HIVEP1: variants seen among roughly 807,000 people sequenced by gnomAD.
HIVEP1 encodes HIVEP zinc finger 1.
A neutral mutation model predicts 180.0 loss-of-function variants in HIVEP1; 36 were observed. That is an observed-to-expected ratio of 0.20 (90% CI 0.15 to 0.26). The LOEUF (loss-of-function observed/expected upper bound fraction) is 0.26, where lower values mean the gene tolerates loss of function less well. HIVEP1 is among the 10% of genes least tolerant of loss of function. The pLI is 1.00. For missense variants in HIVEP1, 3,143 were observed against 3,268.7 expected, an observed-to-expected ratio of 0.96 and a Z score of 0.94; for synonymous variants, 1,239 against 1,239.0, an observed-to-expected ratio of 1.00 and a Z score of 0.00.
intron 2 of HIVEP1, among the ~76,000 whole-genome samples, chr6:12,076,598 A>C (rs1453512367): frequency 6.6e-6 from 1 of 152,176 alleles, no homozygotes; most frequent in Non-Finnish European, 1.5e-5. Context: ...CTGTGTCCTC[A>C]CATGGCTGAA....
intron 2 of HIVEP1, among the ~76,000 whole-genome samples, chr6:12,072,225 C>T (rs1354877712): frequency 3.3e-5 from 5 of 152,184 alleles, no homozygotes; most frequent in Non-Finnish European, 7.3e-5. Context: ...CAGCCTGAAT[C>T]AGCCCCTTTT....
Position 12,124,269 on chromosome 6 carries a change from C to A in HIVEP1, c.4474C>A (p.Gln1492Lys). 1 of 1,614,104 alleles carries A rather than the reference C, an allele frequency of 6.2e-7. No individual in the cohort carries two copies. Among genetic ancestry groups the A allele is most frequent in the East Asian group, 2.2e-5 (1 of 44,894 alleles). The part of the protein sequence containing the change: ...LHSQTQVKDL[Q>K]AETSNSSSTN... ...CTCTCAGACTCAGGTTAAGGATCTGCAGGCAGAAACATCAAACTCCAGCTC... is the reference window on the plus strand; with the variant it reads ...CTCTCAGACTCAGGTTAAGGATCTGAAGGCAGAAACATCAAACTCCAGCTC... The change falls in exon 4 of 9, where the codon CAG (glutamine) becomes AAG (lysine). Residue 1492 changes from glutamine (Q) to lysine (K), a missense_variant. Transcript: ENST00000379388.
At chr6:12,172,948 T>G in the HIVEP1 span, among the ~76,000 whole-genome samples, 1 of 152,166 alleles carries the variant, frequency 6.6e-6, no homozygotes, top group Non-Finnish European at 1.5e-5. Context: ...GCCATGCATA[T>G]TTGTATAAAT....
At chr6:12,167,197 C>T (rs1463535336), downstream of HIVEP1, among the ~76,000 whole-genome samples, 1 of 151,802 alleles carries the variant, frequency 6.6e-6, no homozygotes, top group Non-Finnish European at 1.5e-5. Flanking sequence ...TAATCCCTGG[C>T]CTGAATTTTA....
intron 2 of HIVEP1, among the ~76,000 whole-genome samples, chr6:12,031,875 GTCC>G (rs776910944): frequency 3.4e-4 from 51 of 152,204 alleles, no homozygotes; most frequent in Non-Finnish European, 5.4e-4. Flanking sequence ...GTACCATTCT[GTCC>G]TCCTGTGGAC....
At chr6:12,130,737 C>T (rs765662388) in intron 5 of HIVEP1, 30 bp from the exon 6 acceptor site, 3 of 1,314,686 alleles carry the variant, frequency 2.3e-6, no homozygotes, top group Non-Finnish European at 3.2e-6. Flanking sequence ...AGTGTCCAAT[C>T]TCCCTATTCA....
At position 12,110,893 on chromosome 6, in the gene HIVEP1, A is replaced by G. The variant is rs1774845337; in HGVS notation, c.95-8997A>G. Among the ~76,000 whole-genome samples, 3 of 152,234 alleles carry G rather than the reference A, an allele frequency of 2.0e-5. No individual in the cohort carries two copies. In the South Asian group the frequency reaches 6.2e-4, roughly 31 times the overall value. On this transcript the variant is annotated intron_variant, in intron 3 of 8. Transcript: ENST00000379388. ...CATTTCTAGCTTTTGGCTTAAAGCT[A>G]GAGACATGCAACTCTTCCTTTCACT... is the stretch of plus-strand genomic sequence containing the variant.
rs1363513573 is a variant in HIVEP1 at position 12,163,898 on chromosome 6, C to G, written c.7594C>G (p.Gln2532Glu). The stretch of plus-strand genomic sequence containing the variant: ...GGTTCTGACTGCAAACCCTTCATCA[C>G]AAAGCAGCCCCGCCCCTCAGGCACA... ...LQVLTANPSS[Q>E]SSPAPQAHIP... Residue 2532 changes from glutamine (Q) to glutamate (E), a missense_variant, in exon 9 of 9, where the codon CAA (glutamine) becomes GAA (glutamate). This residue lies in a region of HIVEP1 where 595 missense variants were observed against 602.2 expected (regional missense o/e 0.99). Transcript: ENST00000379388. The G allele has an allele frequency of 1.9e-6, 3 of 1,614,162 alleles. No individual in the cohort carries two copies. Among genetic ancestry groups the G allele is most frequent in the Non-Finnish European group, 2.5e-6 (3 of 1,180,016 alleles).
intron 3 of HIVEP1, among the ~76,000 whole-genome samples, chr6:12,117,546 C>T (rs1210076034): frequency 6.6e-6 from 1 of 152,130 alleles, no homozygotes; most frequent in Non-Finnish European, 1.5e-5. Context: ...TTGTTTAAAT[C>T]ACATACAGTA....
At chr6:12,201,681 G>A in the HIVEP1 span, among the ~76,000 whole-genome samples, 163 of 152,114 alleles carry the variant, frequency 1.1e-3, no homozygotes, top group African/African-American at 3.6e-3. Context: ...TCCTAATTCT[G>A]TTCTATGGAT....
intron 2 of HIVEP1, among the ~76,000 whole-genome samples, chr6:12,055,285 C>G (rs531550846): frequency 6.6e-6 from 1 of 152,056 alleles, no homozygotes; most frequent in Non-Finnish European, 1.5e-5. Flanking sequence ...CCATCCTGGC[C>G]AACACGGTGA....
chr6:12,026,206 A>G (rs1187570353), intron 2 of HIVEP1, among the ~76,000 whole-genome samples: 2 of 152,266 alleles, frequency 1.3e-5, no homozygotes, highest in African/African-American at 4.8e-5. Flanking sequence ...AAAAGATCTA[A>G]GAGCAACATA....
intron 2 of HIVEP1, among the ~76,000 whole-genome samples, chr6:12,041,937 G>A (rs899089099): frequency 4.1e-4 from 62 of 151,880 alleles, no homozygotes; most frequent in African/African-American, 1.4e-3. Flanking sequence ...GGGGTTATAG[G>A]TGTGAGTCAC....
chr6:12,066,435 T>C (rs1247668058), intron 2 of HIVEP1, among the ~76,000 whole-genome samples: 1 of 152,226 alleles, frequency 6.6e-6, no homozygotes, highest in Non-Finnish European at 1.5e-5. Context: ...TGCAGTTAGC[T>C]TCTTAGGCAA....
the HIVEP1 span, among the ~76,000 whole-genome samples, chr6:12,197,472 T>A: frequency 6.8e-6 from 1 of 146,526 alleles, no homozygotes. Flanking sequence ...GACAGGAGAA[T>A]CACTTGAACC....
At chr6:12,097,600 A>T (rs547779711) in intron 3 of HIVEP1, among the ~76,000 whole-genome samples, 3 of 152,264 alleles carry the variant, frequency 2.0e-5, no homozygotes, top group Admixed American at 1.3e-4. Context: ...TGTAATAGAC[A>T]GTGAATGCTG....
chr6:12,163,146 T>C, intron 8 of HIVEP1, 137 bp from the exon 9 acceptor site: 1 of 724,222 alleles, frequency 1.4e-6, no homozygotes, highest in South Asian at 1.9e-5. Context: ...ATAATTTCAT[T>C]GCAGCAAACA....
chr6:12,123,844 G>C lies in HIVEP1; in HGVS notation c.4049G>C (p.Gly1350Ala). Residue 1350 changes from glycine to alanine, a missense_variant, in exon 4 of 9, where the codon GGC becomes GCC. Physicochemically the swap from Gly to Ala is moderately conservative, Grantham distance 60. Around this residue, in one of 12 missense-constraint regions of HIVEP1, gnomAD observed 1,357 missense variants for 1,260.5 expected, o/e 1.08. Coordinates refer to ENST00000379388, the MANE Select transcript of HIVEP1 (RefSeq NM_002114.4). ...NKAEFLMIPA[G>A]LNTLNVPGCH... ...GCCGAGTTTCTTATGATTCCAGCTG[G>C]CTTGAATACTCTGAATGTTCCTGGA... 6.2e-7 allele frequency: 1 copy of C among 1,614,054 alleles called. No individual in the cohort carries two copies. The highest frequency in any genetic ancestry group is 8.5e-7 in the Non-Finnish European group (1 of 1,179,970).
chr6:12,123,023 C>T lies in HIVEP1; in HGVS notation c.3228C>T (p.Thr1076=), dbSNP rs768935473. The change falls in exon 4 of 9, where the codon ACC becomes ACT. Residue 1076 remains threonine, a synonymous_variant. Transcript: ENST00000379388. ...CNPSLPKHNV[T]IRSDQQHKNI... is the part of the protein sequence containing the mutation. ...CCAGTTTGCCTAAACATAATGTTAC[C>T]ATAAGAAGTGACCAGCAGCATAAAA... 6.2e-7 allele frequency: 1 copy of T among 1,614,026 alleles called. No individual in the cohort carries two copies. The highest frequency in any genetic ancestry group is 8.5e-7 in the Non-Finnish European group (1 of 1,180,026).
Sources: allele counts gnomAD v4.1 joint callset (sites outside exome capture counted in the v4.1 genomes callset), GRCh38; gene constraint gnomAD v4.1.1; regional missense constraint gnomAD v4.1.1; transcripts MANE v1.5; gene names NCBI Gene and HGNC (gene_info 2026-07-23, HGNC 2026-07-21).